Variants in CNTNAP2 observed in about 807,000 individuals in gnomAD.
CNTNAP2 encodes the protein contactin-associated protein-like 2.
CNTNAP2 carries 98 observed loss-of-function variants against 155.2 expected under a neutral mutation model. The observed-to-expected ratio is 0.63, with a 90% CI of 0.54 to 0.75. The LOEUF is 0.75. Ranked by LOEUF, CNTNAP2 falls within the 30% of genes least tolerant of loss-of-function variation. The pLI is 0.00. For synonymous variants in CNTNAP2, 651 were observed against 631.2 expected, an observed-to-expected ratio of 1.03 and a Z score of -0.47; for missense variants, 1,727 against 1,688.1, an observed-to-expected ratio of 1.02 and a Z score of -0.40.
rs542709358 is a variant in CNTNAP2 at position 146,116,916 on chromosome 7, C to T, written c.40C>T (p.Leu14=). Residue 14 remains leucine, a synonymous_variant, in exon 1 of 24, where the codon CTG becomes TTG. Coordinates refer to ENST00000361727, the MANE Select transcript of CNTNAP2 (RefSeq NM_014141.6). This position sits in a 1 kb window ranked among gnomAD's most constrained non-coding sequence, Gnocchi z 5.5. ...GCGCGCCGGCTGCGGGGCAGCGCTC[C>T]TGCTGTGGATTGTCAGCAGCTGCCT... The part of the protein sequence containing the change: ...APRAGCGAAL[L]LWIVSSCLCR... The T allele has an allele frequency of 1.3e-6, 2 of 1,551,450 alleles. No homozygotes were observed. Among genetic ancestry groups the T allele is most frequent in the Non-Finnish European group, 1.7e-6 (2 of 1,146,946 alleles).
At chr7:147,867,263 G>A (rs998216219) in intron 13 of CNTNAP2, among the ~76,000 whole-genome samples, 3 of 152,192 alleles carry the variant, frequency 2.0e-5, no homozygotes, top group Non-Finnish European at 4.4e-5. Context: ...CTTTAAGAAC[G>A]TTGAATATTG....
chr7:146,688,551 C>T (rs1800642916), intron 1 of CNTNAP2, among the ~76,000 whole-genome samples: 1 of 151,998 alleles, frequency 6.6e-6, no homozygotes, highest in Non-Finnish European at 1.5e-5. Flanking sequence ...ACAAGGTGCT[C>T]CTGAGATTCA....
At chr7:147,537,902 A>G (rs1348666049) in intron 11 of CNTNAP2, among the ~76,000 whole-genome samples, 1 of 152,224 alleles carries the variant, frequency 6.6e-6, no homozygotes, top group East Asian at 1.9e-4. Context: ...CTAAAAATGC[A>G]TGTAGCACAT....
At chr7:147,334,126 C>T (rs1166650442) in intron 9 of CNTNAP2, among the ~76,000 whole-genome samples, 2 of 152,176 alleles carry the variant, frequency 1.3e-5, no homozygotes, top group Non-Finnish European at 2.9e-5. Flanking sequence ...ATGTGTCTAA[C>T]TCTGGTCCTC....
chr7:147,795,649 C>A (rs1033494904), intron 13 of CNTNAP2, among the ~76,000 whole-genome samples: 1 of 152,094 alleles, frequency 6.6e-6, no homozygotes, highest in African/African-American at 2.4e-5. Flanking sequence ...AGGTTCATCA[C>A]AAATCCTCCT....
chr7:146,592,724 T>C (rs1240405299), intron 1 of CNTNAP2, among the ~76,000 whole-genome samples: 3 of 152,126 alleles, frequency 2.0e-5, no homozygotes, highest in Non-Finnish European at 2.9e-5. Context: ...AATATCCATA[T>C]ATTGTACCAG....
rs573827606 is a variant in CNTNAP2, at chr7:148,247,366, G to A, written c.3381+17587G>A. On this transcript the variant is annotated intron_variant, in intron 20 of 23. Transcript: ENST00000361727. Reference sequence around the variant, plus strand: ...TGAGTCCCATTTAAAATCAGCCCTCGACCCTTCTCCACCAAACCCGTCTTG... The same window carrying A: ...TGAGTCCCATTTAAAATCAGCCCTCAACCCTTCTCCACCAAACCCGTCTTG... 3.6e-4 allele frequency among the ~76,000 whole-genome samples: 55 copies of A among 152,044 alleles called. No individual in the cohort carries two copies. The Middle Eastern group carries it at 0.014, about 38-fold the overall frequency.
intron 12 of CNTNAP2, among the ~76,000 whole-genome samples, chr7:147,621,238 G>A (rs543369964): frequency 2.0e-5 from 3 of 152,222 alleles, no homozygotes; most frequent in African/African-American, 7.2e-5. Flanking sequence ...GCTAAAGGGA[G>A]TACTTCAGTC....
chr7:146,995,446 C>T (rs1798290982), intron 3 of CNTNAP2, among the ~76,000 whole-genome samples: 1 of 152,010 alleles, frequency 6.6e-6, no homozygotes, highest in South Asian at 2.1e-4. Flanking sequence ...ATGTATATTC[C>T]CATCAACAGT....
intron 14 of CNTNAP2, among the ~76,000 whole-genome samples, chr7:147,909,531 G>T (rs1328206913): frequency 6.6e-6 from 1 of 152,144 alleles, no homozygotes; most frequent in Non-Finnish European, 1.5e-5. Context: ...GATTATCTAT[G>T]CTGGGAGAAG....
At chr7:147,279,100 G>A (rs35701811) in intron 8 of CNTNAP2, among the ~76,000 whole-genome samples, 5,197 of 151,504 alleles carry the variant, frequency 0.034, 123 homozygotes, top group Non-Finnish European at 0.052. Context: ...AAATGTGTTA[G>A]TAATACTTAC....
chr7:146,233,286 C>A (rs900072970), intron 1 of CNTNAP2, among the ~76,000 whole-genome samples: 1 of 152,032 alleles, frequency 6.6e-6, no homozygotes, highest in Non-Finnish European at 1.5e-5. Flanking sequence ...CAGAAGGTAA[C>A]TTAATTCACC....
At chr7:147,203,602 C>T (rs1385705045) in intron 8 of CNTNAP2, among the ~76,000 whole-genome samples, 1 of 152,114 alleles carries the variant, frequency 6.6e-6, no homozygotes, top group Non-Finnish European at 1.5e-5. Flanking sequence ...CTTAGAATAA[C>T]ACTTTAATAC....
intron 1 of CNTNAP2, among the ~76,000 whole-genome samples, chr7:146,330,275 G>A (rs1242406072): frequency 6.6e-6 from 1 of 151,962 alleles, no homozygotes; most frequent in East Asian, 1.9e-4. Flanking sequence ...ACCCACCTCG[G>A]CCTCCCAAAG....
At chr7:146,552,745 C>A (rs530096836) in intron 1 of CNTNAP2, among the ~76,000 whole-genome samples, 1 of 152,156 alleles carries the variant, frequency 6.6e-6, no homozygotes, top group African/African-American at 2.4e-5. Flanking sequence ...TGACTCTTCC[C>A]CTCTGCTCTC....
At chr7:146,489,511 G>C (rs1797107325) in intron 1 of CNTNAP2, among the ~76,000 whole-genome samples, 1 of 152,076 alleles carries the variant, frequency 6.6e-6, no homozygotes, top group South Asian at 2.1e-4. Flanking sequence ...ACTGATGCAG[G>C]AGTTTTCTCA....
At chr7:147,440,511 A>G (rs1395346182) in intron 10 of CNTNAP2, among the ~76,000 whole-genome samples, 1 of 152,084 alleles carries the variant, frequency 6.6e-6, no homozygotes, top group Admixed American at 6.6e-5. Context: ...TTTATACATC[A>G]TGGTTACCAT....
intron 1 of CNTNAP2, among the ~76,000 whole-genome samples, chr7:146,376,474 C>T (rs1795305600): frequency 6.6e-6 from 1 of 152,040 alleles, no homozygotes; most frequent in Non-Finnish European, 1.5e-5. Flanking sequence ...AACTTTACAC[C>T]ATAAGGGTTT....
chr7:147,068,995 C>T (rs767973602), intron 4 of CNTNAP2, among the ~76,000 whole-genome samples: 7 of 152,084 alleles, frequency 4.6e-5, no homozygotes, highest in South Asian at 2.1e-4. Flanking sequence ...AACTTTTACT[C>T]GTGGCAGAAG....
Sources: gnomAD v4.1 joint callset for allele counts (sites outside exome capture counted in the v4.1 genomes callset) on GRCh38, gnomAD v4.1.1 for gene constraint, Gnocchi (gnomAD v3.1) non-coding constraint, MANE v1.5 for transcripts, NCBI Gene and HGNC (gene_info 2026-07-23, HGNC 2026-07-21) for gene names.